KREMEN1: variants seen among roughly 807,000 people sequenced by gnomAD.
KREMEN1 encodes kringle containing transmembrane protein 1.
In KREMEN1, 30 loss-of-function variants were observed where a neutral mutation model predicts 46.5. The observed-to-expected ratio is 0.65, with a 90% CI of 0.48 to 0.88. The LOEUF is 0.88. KREMEN1 is among the 40% of genes least tolerant of loss of function. The pLI is 0.00. For synonymous variants in KREMEN1, 214 were observed against 230.6 expected (o/e 0.93, Z 0.65); for missense variants, 533 against 596.9 (o/e 0.89, Z 1.11).
chr22:29,166,397 CACAT>C (rs1227546696), intron 9 of KREMEN1, among the ~76,000 whole-genome samples: 1 of 152,182 alleles, frequency 6.6e-6, no homozygotes, highest in Non-Finnish European at 1.5e-5. Flanking sequence ...TTCTGCTCCT[CACAT>C]CTGCTGGGAC....
At chr22:29,140,692 C>T (rs1443754337) in intron 8 of KREMEN1, among the ~76,000 whole-genome samples, 3 of 152,176 alleles carry the variant, frequency 2.0e-5, no homozygotes, top group East Asian at 1.9e-4. Context: ...ATAGCTAGGA[C>T]GATGCCGTGC....
At chr22:29,117,927 C>T (rs757391026) in intron 3 of KREMEN1, among the ~76,000 whole-genome samples, 12 of 152,188 alleles carry the variant, frequency 7.9e-5, no homozygotes, top group Non-Finnish European at 1.6e-4. Flanking sequence ...AAACAACACA[C>T]ATTCATTATC....
chr22:29,135,907 A>G (rs2038649433), intron 5 of KREMEN1, among the ~76,000 whole-genome samples: 1 of 152,002 alleles, frequency 6.6e-6, no homozygotes, highest in Non-Finnish European at 1.5e-5. Flanking sequence ...CATTGTTAGG[A>G]TAGAAGCAGC....
At chr22:29,084,576 G>C (rs537542718) in intron 1 of KREMEN1, among the ~76,000 whole-genome samples, 230 of 152,294 alleles carry the variant, frequency 1.5e-3, no homozygotes, top group African/African-American at 5.4e-3. Context: ...CAAGATGAGA[G>C]CCAGATGGGA....
chr22:29,162,633 AC>A (rs1277341756), intron 9 of KREMEN1, among the ~76,000 whole-genome samples: 1 of 151,612 alleles, frequency 6.6e-6, no homozygotes, highest in East Asian at 1.9e-4. Context: ...AATTGCTTGA[AC>A]CCTGGAGGTG....
intron 9 of KREMEN1, among the ~76,000 whole-genome samples, chr22:29,152,808 G>A (rs1330226803): frequency 6.6e-6 from 1 of 152,236 alleles, no homozygotes; most frequent in African/African-American, 2.4e-5. Flanking sequence ...CAGCCTGGGG[G>A]TGCCCCATGG....
intron 5 of KREMEN1, among the ~76,000 whole-genome samples, chr22:29,134,970 T>A (rs138577966): frequency 0.011 from 1,608 of 151,940 alleles, 29 homozygotes; most frequent in African/African-American, 0.037. Flanking sequence ...GTCATGGAGG[T>A]GGTTCTTGGT....
chr22:29,127,427 T>C (rs2038462764), intron 5 of KREMEN1, among the ~76,000 whole-genome samples: 1 of 152,144 alleles, frequency 6.6e-6, no homozygotes, highest in African/African-American at 2.4e-5. Context: ...CTGGTGGGAA[T>C]GTAAAATGGT....
In KREMEN1 at chr22:29,144,212, CCTG is replaced by C; in HGVS notation, c.*2104_*2106del. The C allele has an allele frequency of 1.0e-6, 1 of 985,574 alleles. No individual in the cohort carries two copies. Among genetic ancestry groups the C allele is most frequent in the Non-Finnish European group, 1.2e-6 (1 of 830,030 alleles). 61.1% of individuals were successfully genotyped at this position (985,574 alleles called of 1,614,324 possible). A position where few individuals can be genotyped will look rare whatever the true frequency, so the allele number is the denominator to read the frequency against. Reference sequence around the variant, plus strand: ...ACCTCCCCCAAGCCCTGAGCCACTGCCTGCTGGGGCTCCTACTGAGGTTCTGGA... The same window carrying C: ...ACCTCCCCCAAGCCCTGAGCCACTGCCTGGGGCTCCTACTGAGGTTCTGGA... On this transcript the variant is annotated 3_prime_UTR_variant, in exon 9 of 9. Coordinates refer to ENST00000400335, the MANE Select transcript of KREMEN1 (RefSeq NM_001039570.3).
Position 29,142,210 on chromosome 22 carries a change from C to G in KREMEN1, c.*98C>G. The G allele has an allele frequency of 3.5e-6, 5 of 1,427,178 alleles. No homozygotes were observed. The highest frequency in any genetic ancestry group is 3.7e-6 in the Non-Finnish European group (4 of 1,091,922). The allele number at this position is 1,427,178 out of a possible 1,614,324, so 88.4% of individuals were successfully genotyped here. ...TCTTCTCTGACAGACTCTTCCCCTC[C>G]TCTCCCTCTGCCTCGGCCTCTTCGG... On this transcript the variant is annotated 3_prime_UTR_variant, in exon 9 of 9. Coordinates refer to ENST00000400335, the MANE Select transcript of KREMEN1 (RefSeq NM_001039570.3).
intron 3 of KREMEN1, among the ~76,000 whole-genome samples, chr22:29,105,796 C>T (rs890924408): frequency 1.3e-5 from 2 of 152,202 alleles, no homozygotes; most frequent in Non-Finnish European, 2.9e-5. Flanking sequence ...GTATCATTCA[C>T]ACACATCAGC....
chr22:29,131,612 GTATA>G lies in KREMEN1; in HGVS notation c.632-5724_632-5721del, dbSNP rs1369375398. ...TGTGTGTGTATATGTATATATGTGT[GTATA>G]TATATGTATATATGTATATATATGT... On this transcript the variant is annotated intron_variant, in intron 5 of 8. Transcript: ENST00000400335. 4.8e-3 allele frequency among the ~76,000 whole-genome samples: 623 copies of G among 129,348 alleles called. 10 individuals are homozygous for G. The highest frequency in any genetic ancestry group is 0.04 in the South Asian group (165 of 4,112). 84.9% of individuals were successfully genotyped at this position (129,348 alleles called of 152,430 possible).
intron 4 of KREMEN1, among the ~76,000 whole-genome samples, chr22:29,123,436 A>G (rs2145818200): frequency 6.6e-6 from 1 of 152,332 alleles, no homozygotes; most frequent in South Asian, 2.1e-4. Flanking sequence ...GAAGATATAC[A>G]GATGGCAAAT....
intron 9 of KREMEN1, among the ~76,000 whole-genome samples, chr22:29,164,775 A>T: frequency 6.6e-6 from 1 of 151,178 alleles, no homozygotes; most frequent in East Asian, 2.0e-4. Context: ...AAAACCCAAA[A>T]CAAGGAACTA....
exon 10 of KREMEN1, chr22:29,167,124 C>T: frequency 6.5e-7 from 1 of 1,548,280 alleles, no homozygotes; most frequent in East Asian, 2.4e-5. Flanking sequence ...CACAACTAGG[C>T]TCCGTGGGCA....
intron 1 of KREMEN1, among the ~76,000 whole-genome samples, chr22:29,076,891 A>G (rs1323733702): frequency 2.0e-5 from 3 of 152,190 alleles, no homozygotes; most frequent in Non-Finnish European, 4.4e-5. Flanking sequence ...GAGATAGGCA[A>G]TGAGTCCCTT....
intron 8 of KREMEN1, among the ~76,000 whole-genome samples, chr22:29,140,800 T>C (rs756254484): frequency 1.3e-5 from 2 of 152,258 alleles, no homozygotes; most frequent in African/African-American, 2.4e-5. Context: ...AAAACAGTTA[T>C]TGAAAAAACT....
chr22:29,121,229 G>A (rs2038351108), intron 3 of KREMEN1, 128 bp from the exon 4 acceptor site: 1 of 1,049,672 alleles, frequency 9.5e-7, no homozygotes, highest in Non-Finnish European at 1.4e-6. Context: ...CTGGTTGCTT[G>A]TTGTTTATTT....
At chr22:29,084,489 A>G (rs555053570) in intron 1 of KREMEN1, among the ~76,000 whole-genome samples, 33 of 152,340 alleles carry the variant, frequency 2.2e-4, no homozygotes, top group African/African-American at 7.5e-4. Context: ...TATTCCTGGC[A>G]GAAACACACA....
Sources: gnomAD v4.1 joint callset for allele counts (sites outside exome capture counted in the v4.1 genomes callset) on GRCh38, gnomAD v4.1.1 for gene constraint, MANE v1.5 for transcripts, NCBI Gene and HGNC (gene_info 2026-07-23, HGNC 2026-07-21) for gene names.